LYL1: variants seen among roughly 807,000 people sequenced by gnomAD.
The protein encoded by LYL1 is LYL1 basic helix-loop-helix family member.
A neutral mutation model predicts 11.1 loss-of-function variants in LYL1; 4 were observed. The ratio of observed to expected loss-of-function variants is 0.36; its 90% CI spans 0.18 to 0.82. The LOEUF (loss-of-function observed/expected upper bound fraction) is 0.82. Among genes scored for constraint, LYL1 ranks in the 40% least tolerant of loss-of-function variants. LYL1 has a pLI of 0.49. For synonymous variants in LYL1, 179 were observed against 174.8 expected (o/e 1.02, Z -0.19); for missense variants, 356 against 397.6 (o/e 0.90, Z 0.89).
Position 13,101,270 on chromosome 19 carries a change from T to G in LYL1, c.-24-75A>C. 2.4e-6 allele frequency: 1 copy of G among 409,078 alleles called. No individual in the cohort carries two copies. The highest frequency in any genetic ancestry group is 4.0e-6 in the Non-Finnish European group (1 of 251,916). 25.3% of individuals were successfully genotyped at this position (409,078 alleles called of 1,614,324 possible). Reference sequence around the variant, plus strand: ...CCACCTGCTTAGCTCAAGAAACCCCTCAAATGGGAAGGAGGGAGGGGGAGG... The same window carrying G: ...CCACCTGCTTAGCTCAAGAAACCCCGCAAATGGGAAGGAGGGAGGGGGAGG... On this transcript the variant is annotated intron_variant, in intron 1 of 3. Transcript: ENST00000264824. This position sits in a 1 kb window ranked among gnomAD's most constrained non-coding sequence, Gnocchi z 5.1.
Position 13,101,082 on chromosome 19 carries a change from TGGGGCAGGCGCTGGGCTG to T in LYL1, c.72_89del (p.Ser25_Pro30del). The T allele has an allele frequency of 6.8e-7, 1 of 1,480,984 alleles. No homozygotes were observed. Among genetic ancestry groups the T allele is most frequent in the Non-Finnish European group, 9.0e-7 (1 of 1,116,690 alleles). The allele number at this position is 1,480,984 out of a possible 1,614,324, so 91.7% of individuals were successfully genotyped here. On this transcript the variant is annotated inframe_deletion, in exon 2 of 4. Coordinates refer to ENST00000264824, the MANE Select transcript of LYL1 (RefSeq NM_005583.5). This position sits in a 1 kb window ranked among gnomAD's most constrained non-coding sequence, Gnocchi z 5.1. ...GCCCAGGCGAGGCAGGCTTAGGGGGTGGGGCAGGCGCTGGGCTGGGGGCACACACCATCTCTGCCTTCT... is the reference window on the plus strand; with the variant it reads ...GCCCAGGCGAGGCAGGCTTAGGGGGTGGGGCACACACCATCTCTGCCTTCT...
In LYL1 at chr19:13,101,096, G is replaced by A; in HGVS notation, c.76C>T (p.Pro26Ser). ...EKAEMVCAPS[P>S]APAPPPKPAS... ...GGCTTAGGGGGTGGGGCAGGCGCTGGGCTGGGGGCACACACCATCTCTGCC... is the reference window on the plus strand; with the variant it reads ...GGCTTAGGGGGTGGGGCAGGCGCTGAGCTGGGGGCACACACCATCTCTGCC... Residue 26 changes from proline to serine, a missense_variant, in exon 2 of 4, where the codon CCA becomes TCA. Physicochemically the swap from Pro to Ser is moderately conservative, Grantham distance 74. Coordinates refer to ENST00000264824, the MANE Select transcript of LYL1 (RefSeq NM_005583.5). This position sits in a 1 kb window ranked among gnomAD's most constrained non-coding sequence, Gnocchi z 5.1. 1 of 1,490,146 alleles carries A rather than the reference G, an allele frequency of 6.7e-7. No homozygotes were observed. The highest frequency in any genetic ancestry group is 1.4e-5 in the African/African-American group (1 of 71,098). 92.3% of individuals were successfully genotyped at this position (1,490,146 alleles called of 1,614,324 possible).
chr19:13,099,846 G>GTTTAA lies in LYL1; in HGVS notation c.428-113_428-112insTTAAA. ...AACTTAAACCCAGGCCATGGGCTGG[G>GTTTAA]GCTTTCTCCACCCAAGGGGTCCACG... is the stretch of plus-strand genomic sequence containing the variant. On this transcript the variant is annotated intron_variant, in intron 3 of 3. Transcript: ENST00000264824. This position sits in a 1 kb window ranked among gnomAD's most constrained non-coding sequence, Gnocchi z 5.3. 1.0e-6 allele frequency: 1 copy of GTTTAA among 1,001,624 alleles called. No homozygotes were observed. Among genetic ancestry groups the GTTTAA allele is most frequent in the Non-Finnish European group, 1.4e-6 (1 of 731,314 alleles). 62.0% of individuals were successfully genotyped at this position (1,001,624 alleles called of 1,614,324 possible).
chr19:13,099,502 G>A lies in LYL1; in HGVS notation c.660C>T (p.Pro220=). 7.2e-7 allele frequency: 1 copy of A among 1,397,026 alleles called. No individual in the cohort carries two copies. Among genetic ancestry groups the A allele is most frequent in the African/African-American group, 1.5e-5 (1 of 66,988 alleles). 86.5% of individuals were successfully genotyped at this position (1,397,026 alleles called of 1,614,324 possible). A position where few individuals can be genotyped will look rare whatever the true frequency, so the allele number is the denominator to read the frequency against. The change falls in exon 4 of 4, where the codon CCC becomes CCT. Residue 220 remains proline, a synonymous_variant. Coordinates refer to ENST00000264824, the MANE Select transcript of LYL1 (RefSeq NM_005583.5). The surrounding 1 kb of genome is among the most constrained non-coding windows in gnomAD (Gnocchi z 5.3). ...GGTGCACCGGCCGTTTGCGAGGCCC[G>A]GGAGGGGTGGGGCCTGCGGCCAGAG... ...AAALAAGPTP[P]GPRKRPVHRV...
chr19:13,100,589 G>T, intron 3 of LYL1, 68 bp downstream of exon 3: 1 of 1,417,660 alleles, frequency 7.1e-7, no homozygotes, highest in Non-Finnish European at 1.0e-6. Flanking sequence ...AGACGGCCAG[G>T]CCTTCTGTGC....
Position 13,099,628 on chromosome 19 carries a change from C to G in LYL1, c.534G>C (p.Pro178=), listed in dbSNP as rs760199722. 10 of 1,555,428 alleles carry G rather than the reference C, an allele frequency of 6.4e-6. No individual in the cohort carries two copies. Among genetic ancestry groups the G allele is most frequent in the Non-Finnish European group, 7.0e-6 (8 of 1,150,188 alleles). Reference sequence around the variant, plus strand: ...TCAGCTTCCGGTCGGGCGGGTGCGTCGGCAGCAGCTTCCTCAGCTCGGCGA... The same window carrying G: ...TCAGCTTCCGGTCGGGCGGGTGCGTGGGCAGCAGCTTCCTCAGCTCGGCGA... The part of the protein sequence containing the change: ...GAFAELRKLL[P]THPPDRKLSK... The change falls in exon 4 of 4, where the codon CCG becomes CCC. Residue 178 remains proline (P), a synonymous_variant. Transcript: ENST00000264824. This position sits in a 1 kb window ranked among gnomAD's most constrained non-coding sequence, Gnocchi z 5.3.
At position 13,102,158 on chromosome 19, in the gene LYL1, T is replaced by G. The variant is rs1397643858; in HGVS notation, c.-25+373A>C. The G allele has an allele frequency of 4.9e-6, 1 of 202,726 alleles. No homozygotes were observed. Among genetic ancestry groups the G allele is most frequent in the Non-Finnish European group, 1.0e-5 (1 of 98,712 alleles). 12.6% of individuals were successfully genotyped at this position (202,726 alleles called of 1,614,324 possible). A position where few individuals can be genotyped will look rare whatever the true frequency, so the allele number is the denominator to read the frequency against. On this transcript the variant is annotated intron_variant, in intron 1 of 3. Transcript: ENST00000264824. The surrounding 1 kb of genome is among the most constrained non-coding windows in gnomAD (Gnocchi z 4.9). ...GGCTAATTTAAAAAAAAAAATTTTT[T>G]TTGTAGAGGCAGGTTCTCACTCTGT...
In LYL1 at chr19:13,099,846, G is replaced by T; in HGVS notation, c.428-112C>A. The T allele has an allele frequency of 2.0e-6, 2 of 1,001,632 alleles. No homozygotes were observed. Among genetic ancestry groups the T allele is most frequent in the Non-Finnish European group, 1.4e-6 (1 of 731,322 alleles). The allele number at this position is 1,001,632 out of a possible 1,614,324, so 62.0% of individuals were successfully genotyped here. On this transcript the variant is annotated intron_variant, in intron 3 of 3. Transcript: ENST00000264824. This position sits in a 1 kb window ranked among gnomAD's most constrained non-coding sequence, Gnocchi z 5.3. ...AACTTAAACCCAGGCCATGGGCTGGGGCTTTCTCCACCCAAGGGGTCCACG... is the reference window on the plus strand; with the variant it reads ...AACTTAAACCCAGGCCATGGGCTGGTGCTTTCTCCACCCAAGGGGTCCACG...
At chr19:13,100,801 A>G in intron 2 of LYL1, 36 bp downstream of exon 2, 1 of 1,609,974 alleles carries the variant, frequency 6.2e-7, no homozygotes, top group South Asian at 1.1e-5. Context: ...CCTGGCCCCC[A>G]ATCCCCACTG....
At position 13,100,685 on chromosome 19, in the gene LYL1, T is replaced by G. The variant is rs772611340; in HGVS notation, c.399A>C (p.Pro133=). 6 of 1,614,076 alleles carry G rather than the reference T, an allele frequency of 3.7e-6. No individual in the cohort carries two copies. In the Admixed American group the frequency reaches 5.0e-5, roughly 13 times the overall value. ...CAGCCAGGTCCAGCTCACAGTGGCT[T>G]GGTCTCCGCTTCAACCGGCTGCTAG... ...IFPSSRLKRR[P]SHCELDLAEG... Residue 133 remains proline (P), a synonymous_variant, in exon 3 of 4, where the codon CCA becomes CCC. Coordinates refer to ENST00000264824, the MANE Select transcript of LYL1 (RefSeq NM_005583.5).
Position 13,101,591 on chromosome 19 carries a change from C to T in LYL1, c.-24-396G>A, listed in dbSNP as rs1239097898. On this transcript the variant is annotated intron_variant, in intron 1 of 3. Coordinates refer to ENST00000264824, the MANE Select transcript of LYL1 (RefSeq NM_005583.5). The surrounding 1 kb of genome is among the most constrained non-coding windows in gnomAD (Gnocchi z 5.1). Reference sequence around the variant, plus strand: ...GAAACCCCAAGATTAACCCTGTTATCCTCAGATCTAAAGATCCAACCCAGA... The same window carrying T: ...GAAACCCCAAGATTAACCCTGTTATTCTCAGATCTAAAGATCCAACCCAGA... The T allele has an allele frequency of 4.3e-6, 1 of 234,974 alleles. No homozygotes were observed. Among genetic ancestry groups the T allele is most frequent in the African/African-American group, 2.2e-5 (1 of 45,230 alleles). 14.6% of individuals were successfully genotyped at this position (234,974 alleles called of 1,614,324 possible).
Position 13,099,816 on chromosome 19 carries a change from G to A in LYL1, c.428-82C>T. On this transcript the variant is annotated intron_variant, in intron 3 of 3. Coordinates refer to ENST00000264824, the MANE Select transcript of LYL1 (RefSeq NM_005583.5). This position sits in a 1 kb window ranked among gnomAD's most constrained non-coding sequence, Gnocchi z 5.3. ...CTCCCGCTAGACACGCAGCACCCTC[G>A]TGGGAACTTAAACCCAGGCCATGGG... The A allele has an allele frequency of 7.9e-7, 1 of 1,269,058 alleles. No homozygotes were observed. Among genetic ancestry groups the A allele is most frequent in the Non-Finnish European group, 1.0e-6 (1 of 970,080 alleles). 78.6% of individuals were successfully genotyped at this position (1,269,058 alleles called of 1,614,324 possible).
In LYL1 at chr19:13,099,498, G is replaced by A. The variant is rs1026513807; in HGVS notation, c.664C>T (p.Pro222Ser). 3.6e-6 allele frequency: 5 copies of A among 1,388,944 alleles called. No individual in the cohort carries two copies. The highest frequency in any genetic ancestry group is 1.6e-5 in the South Asian group (1 of 64,078). 86.0% of individuals were successfully genotyped at this position (1,388,944 alleles called of 1,614,324 possible). A position where few individuals can be genotyped will look rare whatever the true frequency, so the allele number is the denominator to read the frequency against. The change falls in exon 4 of 4, where the codon CCT (proline) becomes TCT (serine). Residue 222 changes from proline (P) to serine (S), a missense_variant. By Grantham distance (74) the Pro-to-Ser change is moderately conservative. Transcript: ENST00000264824. This position sits in a 1 kb window ranked among gnomAD's most constrained non-coding sequence, Gnocchi z 5.3. The stretch of plus-strand genomic sequence containing the variant: ...ACCCGGTGCACCGGCCGTTTGCGAG[G>A]CCCGGGAGGGGTGGGGCCTGCGGCC... ...ALAAGPTPPG[P>S]RKRPVHRVPD...
At position 13,101,287 on chromosome 19, in the gene LYL1, A is replaced by C; in HGVS notation, c.-24-92T>G. The C allele has an allele frequency of 1.7e-5, 5 of 287,126 alleles. No individual in the cohort carries two copies. The highest frequency in any genetic ancestry group is 1.4e-4 in the South Asian group (1 of 7,130). The allele number at this position is 287,126 out of a possible 1,614,324, so 17.8% of individuals were successfully genotyped here. ...GAAACCCCTCAAATGGGAAGGAGGGAGGGGGAGGGGGAAAGGAGGAGGAGA... is the reference window on the plus strand; with the variant it reads ...GAAACCCCTCAAATGGGAAGGAGGGCGGGGGAGGGGGAAAGGAGGAGGAGA... On this transcript the variant is annotated intron_variant, in intron 1 of 3. Coordinates refer to ENST00000264824, the MANE Select transcript of LYL1 (RefSeq NM_005583.5). The surrounding 1 kb of genome is among the most constrained non-coding windows in gnomAD (Gnocchi z 5.1).
Position 13,099,507 on chromosome 19 carries a change from G to T in LYL1, c.655C>A (p.Pro219Thr). 1 of 1,426,772 alleles carries T rather than the reference G, an allele frequency of 7.0e-7. No individual in the cohort carries two copies. Among genetic ancestry groups the T allele is most frequent in the Non-Finnish European group, 9.3e-7 (1 of 1,076,538 alleles). 88.4% of individuals were successfully genotyped at this position (1,426,772 alleles called of 1,614,324 possible). ...ACCGGCCGTTTGCGAGGCCCGGGAG[G>T]GGTGGGGCCTGCGGCCAGAGCTGCG... The part of the protein sequence containing the change: ...QAAALAAGPT[P>T]PGPRKRPVHR... The change falls in exon 4 of 4, where the codon CCT (proline) becomes ACT (threonine). Residue 219 changes from proline (P) to threonine (T), a missense_variant. Pro to Thr is a conservative substitution (Grantham distance 38). Coordinates refer to ENST00000264824, the MANE Select transcript of LYL1 (RefSeq NM_005583.5). This position sits in a 1 kb window ranked among gnomAD's most constrained non-coding sequence, Gnocchi z 5.3.
In LYL1 at chr19:13,099,345, T is replaced by C; in HGVS notation, c.817A>G (p.Thr273Ala). The C allele has an allele frequency of 7.8e-7, 1 of 1,284,658 alleles. No homozygotes were observed. The highest frequency in any genetic ancestry group is 9.9e-7 in the Non-Finnish European group (1 of 1,013,944). The allele number at this position is 1,284,658 out of a possible 1,614,324, so 79.6% of individuals were successfully genotyped here. A position where few individuals can be genotyped will look rare whatever the true frequency, so the allele number is the denominator to read the frequency against. ...CACCGCACCTCTGGGCTCAAAGCGG[T>C]TTGCTCCATCTTGATGGGCCGGGCC... The part of the protein sequence containing the change: ...GAARPIKMEQ[T>A]ALSPEVR Residue 273 changes from threonine to alanine, a missense_variant, in exon 4 of 4, where the codon ACC becomes GCC. By Grantham distance (58) the Thr-to-Ala change is moderately conservative (BLOSUM62 0). Coordinates refer to ENST00000264824, the MANE Select transcript of LYL1 (RefSeq NM_005583.5). This position sits in a 1 kb window ranked among gnomAD's most constrained non-coding sequence, Gnocchi z 5.3.
chr19:13,099,800 G>A lies in LYL1; in HGVS notation c.428-66C>T. 7.6e-7 allele frequency: 1 copy of A among 1,316,188 alleles called. No individual in the cohort carries two copies. The highest frequency in any genetic ancestry group is 9.9e-7 in the Non-Finnish European group (1 of 1,009,652). The allele number at this position is 1,316,188 out of a possible 1,614,324, so 81.5% of individuals were successfully genotyped here. Reference sequence around the variant, plus strand: ...GGCGGCCCCTCCTGCCCTCCCGCTAGACACGCAGCACCCTCGTGGGAACTT... The same window carrying A: ...GGCGGCCCCTCCTGCCCTCCCGCTAAACACGCAGCACCCTCGTGGGAACTT... On this transcript the variant is annotated intron_variant, in intron 3 of 3. Transcript: ENST00000264824. This position sits in a 1 kb window ranked among gnomAD's most constrained non-coding sequence, Gnocchi z 5.3.
chr19:13,099,178 G>T lies in LYL1; in HGVS notation c.*141C>A. ...GATGATCACCCTTCCGGACCCCCGA[G>T]ACCTTGCCCCTGACGTCTTCACTGG... On this transcript the variant is annotated 3_prime_UTR_variant, in exon 4 of 4. Coordinates refer to ENST00000264824, the MANE Select transcript of LYL1 (RefSeq NM_005583.5). The surrounding 1 kb of genome is among the most constrained non-coding windows in gnomAD (Gnocchi z 5.3). The T allele has an allele frequency of 1.4e-6, 1 of 740,266 alleles. No homozygotes were observed. The highest frequency in any genetic ancestry group is 1.8e-6 in the Non-Finnish European group (1 of 541,214). 45.9% of individuals were successfully genotyped at this position (740,266 alleles called of 1,614,324 possible).
At chr19:13,100,779 G>T in intron 2 of LYL1, 31 bp from the exon 3 acceptor site, 1 of 1,613,200 alleles carries the variant, frequency 6.2e-7, no homozygotes, top group Non-Finnish European at 8.5e-7. Context: ...CTAATGCCTT[G>T]TGGGCAAGGA....
Sources: allele counts gnomAD v4.1 joint callset, GRCh38; gene constraint gnomAD v4.1.1; non-coding constraint Gnocchi (gnomAD v3.1); transcripts MANE v1.5; gene names NCBI Gene and HGNC (gene_info 2026-07-23, HGNC 2026-07-21).